Variants in RNF185 observed in about 807,000 individuals in gnomAD.
RNF185 encodes E3 ubiquitin-protein ligase RNF185.
A neutral mutation model predicts 24.9 loss-of-function variants in RNF185; 13 were observed. The ratio of observed to expected loss-of-function variants is 0.52; its 90% CI spans 0.34 to 0.83. The LOEUF (loss-of-function observed/expected upper bound fraction) is 0.83, where lower values mean the gene tolerates loss of function less well. Among genes scored for constraint, RNF185 ranks in the 40% least tolerant of loss-of-function variants. RNF185 has a pLI of 0.01. For synonymous variants in RNF185, 79 were observed against 90.3 expected (o/e 0.88, Z 0.71); for missense variants, 184 against 244.7 (o/e 0.75, Z 1.65).
intron 5 of RNF185, 107 bp downstream of exon 5, chr22:31,197,097 T>C (rs1392689251): frequency 6.7e-7 from 1 of 1,491,758 alleles, no homozygotes; most frequent in East Asian, 2.4e-5. Context: ...AAGGAAAACT[T>C]GTAAAATACA....
intron 1 of RNF185, among the ~76,000 whole-genome samples, chr22:31,176,770 G>A (rs1487972447): frequency 1.3e-5 from 2 of 152,188 alleles, no homozygotes; most frequent in Non-Finnish European, 2.9e-5. Context: ...TTGCAGGCGT[G>A]AGCCACCGTG....
chr22:31,168,226 G>A (rs1395412549), intron 1 of RNF185, among the ~76,000 whole-genome samples: 3 of 152,000 alleles, frequency 2.0e-5, no homozygotes, highest in Non-Finnish European at 2.9e-5. Flanking sequence ...AGGCCTAACC[G>A]TGTGGCTGGT....
intron 2 of RNF185, among the ~76,000 whole-genome samples, chr22:31,188,846 C>T (rs139221564): frequency 0.012 from 1,882 of 151,186 alleles, 12 homozygotes; most frequent in Non-Finnish European, 0.018. Context: ...CTGGGCTGGG[C>T]GCGGTGGCTC....
intron 1 of RNF185, among the ~76,000 whole-genome samples, chr22:31,164,273 G>A (rs546167052): frequency 1.4e-4 from 22 of 152,236 alleles, no homozygotes; most frequent in Middle Eastern, 3.4e-3. Flanking sequence ...GAGCCACTGC[G>A]CCTGGCCTTT....
intron 5 of RNF185, among the ~76,000 whole-genome samples, chr22:31,199,239 A>G (rs1031152533): frequency 4.6e-5 from 7 of 152,220 alleles, no homozygotes; most frequent in Non-Finnish European, 8.8e-5. Flanking sequence ...GCATGATCTC[A>G]TTTAAGCCTC....
Position 31,173,665 on chromosome 22 carries a change from A to C in RNF185, c.-49+13362A>C, listed in dbSNP as rs9621208. 5.5e-3 allele frequency among the ~76,000 whole-genome samples: 838 copies of C among 152,356 alleles called. 9 individuals carry two copies. Among genetic ancestry groups the C allele is most frequent in the African/African-American group, 0.019 (776 of 41,582 alleles). ...TTATTTAACATCCCAAGGGATGCTAATGATGATACAGTAGTGTTTACCTAA... is the reference window on the plus strand; with the variant it reads ...TTATTTAACATCCCAAGGGATGCTACTGATGATACAGTAGTGTTTACCTAA... On this transcript the variant is annotated intron_variant, in intron 1 of 6. Transcript: ENST00000326132.
chr22:31,174,829 G>A (rs2047965062), intron 1 of RNF185, among the ~76,000 whole-genome samples: 1 of 152,030 alleles, frequency 6.6e-6, no homozygotes, highest in Non-Finnish European at 1.5e-5. Flanking sequence ...CAGCACTTTG[G>A]GAGGCCGAGG....
intron 1 of RNF185, among the ~76,000 whole-genome samples, chr22:31,161,468 T>C (rs1923572100): frequency 1.3e-5 from 2 of 152,248 alleles, no homozygotes; most frequent in Non-Finnish European, 2.9e-5. Context: ...TTCCTGGTTG[T>C]CCTGTGCACC....
At chr22:31,160,805 G>T (rs1256379331) in intron 1 of RNF185, among the ~76,000 whole-genome samples, 2 of 152,162 alleles carry the variant, frequency 1.3e-5, no homozygotes, top group Non-Finnish European at 2.9e-5. Context: ...TCAAAATATG[G>T]TTCTTACACC....
At chr22:31,167,268 A>G (rs1375917571) in intron 1 of RNF185, among the ~76,000 whole-genome samples, 1 of 152,138 alleles carries the variant, frequency 6.6e-6, no homozygotes, top group African/African-American at 2.4e-5. Flanking sequence ...CTGAGGCTCA[A>G]GCAATCCTCT....
rs552829250 is a variant in RNF185 at position 31,195,533 on chromosome 22, A to G, written c.260A>G (p.Lys87Arg). The change falls in exon 4 of 7, where the codon AAG becomes AGG. Residue 87 changes from lysine to arginine, a missense_variant. Lys to Arg is a conservative substitution (Grantham distance 26). Transcript: ENST00000326132. ...PVCKAGISRD[K>R]VIPLYGRGST... The stretch of plus-strand genomic sequence containing the variant: ...TGCAAAGCTGGCATCAGCCGAGACA[A>G]GGTCATCCCCCTCTATGGAAGGGGC... The G allele has an allele frequency of 3.7e-6, 6 of 1,611,460 alleles. No homozygotes were observed. Among genetic ancestry groups the G allele is most frequent in the South Asian group, 2.2e-5 (2 of 90,352 alleles).
At chr22:31,166,881 C>G (rs1923956372) in intron 1 of RNF185, among the ~76,000 whole-genome samples, 1 of 152,138 alleles carries the variant, frequency 6.6e-6, no homozygotes, top group Admixed American at 6.6e-5. Flanking sequence ...AACTCCTGAC[C>G]TCAGACGATC....
At position 31,160,321 on chromosome 22, in the gene RNF185, G is replaced by T. The variant is rs1923482284; in HGVS notation, c.-49+18G>T. On this transcript the variant is annotated intron_variant, in intron 1 of 6. Transcript: ENST00000326132. ...GGAGGCAGGTATGTGAGGGGCTGGG[G>T]TTGGGGCGGGGGCGCCAAAGTTTAG... is the stretch of plus-strand genomic sequence containing the variant. 1 of 147,830 alleles carries T rather than the reference G, an allele frequency of 6.8e-6. No homozygotes were observed. The highest frequency in any genetic ancestry group is 2.2e-4 in the South Asian group (1 of 4,550). The allele number at this position is 147,830 out of a possible 1,614,324, so 9.2% of individuals were successfully genotyped here.
chr22:31,172,657 G>T (rs1273205643), intron 1 of RNF185, among the ~76,000 whole-genome samples: 1 of 144,818 alleles, frequency 6.9e-6, no homozygotes, highest in Admixed American at 7.3e-5. Flanking sequence ...GCTGAGGCAG[G>T]AGAATCACTT....
At chr22:31,176,680 G>C (rs1602803972) in intron 1 of RNF185, among the ~76,000 whole-genome samples, 1 of 151,192 alleles carries the variant, frequency 6.6e-6, no homozygotes, top group South Asian at 2.1e-4. Flanking sequence ...AGTAGAGACG[G>C]GGTTTCACCG....
At chr22:31,161,572 T>C (rs971667213) in intron 1 of RNF185, among the ~76,000 whole-genome samples, 3 of 152,222 alleles carry the variant, frequency 2.0e-5, no homozygotes, top group African/African-American at 7.2e-5. Context: ...TCCCACCCCA[T>C]GGGTTAGTAG....
At chr22:31,181,910 G>A (rs1476550938) in intron 1 of RNF185, among the ~76,000 whole-genome samples, 3 of 151,578 alleles carry the variant, frequency 2.0e-5, no homozygotes, top group African/African-American at 2.4e-5. Context: ...TGTAAATGAC[G>A]AGTTAATGGG....
chr22:31,175,561 C>T (rs2047974785), intron 1 of RNF185, among the ~76,000 whole-genome samples: 1 of 151,940 alleles, frequency 6.6e-6, no homozygotes, highest in African/African-American at 2.4e-5. Flanking sequence ...TAAATTGGCA[C>T]ATCTTCCCTG....
At position 31,185,705 on chromosome 22, in the gene RNF185, G is replaced by A. The variant is rs192975954; in HGVS notation, c.-48-1342G>A. 3.4e-4 allele frequency among the ~76,000 whole-genome samples: 52 copies of A among 152,326 alleles called. 1 individual carries two copies. The Middle Eastern group carries it at 0.017, about 50-fold the overall frequency. ...ATTTCCTACTTGGAATTTCTGAGGT[G>A]ATGAGGGTGGCCAGATAAGGCTCCT... On this transcript the variant is annotated intron_variant, in intron 1 of 6. Coordinates refer to ENST00000326132, the MANE Select transcript of RNF185 (RefSeq NM_152267.4).
Sources: gnomAD v4.1 joint callset for allele counts (sites outside exome capture counted in the v4.1 genomes callset) on GRCh38, gnomAD v4.1.1 for gene constraint, MANE v1.5 for transcripts, NCBI Gene and HGNC (gene_info 2026-07-23, HGNC 2026-07-21) for gene names.